Variants in CC2D2B observed in about 807,000 individuals in gnomAD.
CC2D2B encodes protein CC2D2B.
In CC2D2B, 128 loss-of-function variants were observed where a neutral mutation model predicts 161.2. That is an observed-to-expected ratio of 0.79 (90% confidence interval 0.69 to 0.92). CC2D2B has a LOEUF of 0.92. Among genes scored for constraint, CC2D2B ranks in the 40% least tolerant of loss-of-function variants. CC2D2B has a pLI of 0.00. For missense variants in CC2D2B, 1,173 were observed against 1,375.1 expected (o/e 0.85, Z 2.32); for synonymous variants, 391 against 449.8 (o/e 0.87, Z 1.65).
chr10:95,952,377 T>C (rs757769331), intron 10 of CC2D2B: 1 of 152,192 alleles, frequency 6.6e-6, no homozygotes, highest in Non-Finnish European at 1.5e-5. Flanking sequence ...AAAAGATTAA[T>C]TGTAGAAGTG....
At chr10:95,983,872 C>A (rs2077620229) in intron 19 of CC2D2B, 63 bp downstream of exon 19, 2 of 701,824 alleles carry the variant, frequency 2.8e-6, no homozygotes, top group Non-Finnish European at 4.0e-6. Flanking sequence ...GCTGCTTTAA[C>A]CCTATCTTAA....
chr10:96,001,688 C>T (rs2078505241), intron 24 of CC2D2B, among the ~76,000 whole-genome samples: 1 of 152,160 alleles, frequency 6.6e-6, no homozygotes, highest in South Asian at 2.1e-4. Context: ...AGGAAGCACA[C>T]CTTAGAATTT....
chr10:95,998,097 T>C (rs2078300981), intron 24 of CC2D2B, among the ~76,000 whole-genome samples: 1 of 152,198 alleles, frequency 6.6e-6, no homozygotes, highest in Admixed American at 6.5e-5. Flanking sequence ...TCAATTTTTT[T>C]TAAATTAAGA....
intron 25 of CC2D2B, among the ~76,000 whole-genome samples, chr10:96,005,105 A>T (rs1241060012): frequency 6.6e-6 from 1 of 152,230 alleles, no homozygotes; most frequent in Non-Finnish European, 1.5e-5. Flanking sequence ...TAATTTGGTG[A>T]TAGCTTTTCT....
rs558913990 is a variant in CC2D2B, at chr10:95,957,748, A to T, written c.1109+2257A>T. ...GCTAATTTTTGTATTTTTAGTAGAG[A>T]TGGGGGTTCACCATATTAGCCAGGC... On this transcript the variant is annotated intron_variant, in intron 11 of 34. Transcript: ENST00000646931. 5.2e-4 allele frequency among the ~76,000 whole-genome samples: 79 copies of T among 151,380 alleles called. 3 individuals are homozygous for T. In the South Asian group the frequency reaches 0.016, roughly 30 times the overall value.
At chr10:96,020,548 A>T (rs3961945) in intron 32 of CC2D2B, 100,770 of 152,014 alleles carry the variant, frequency 0.66, 33,647 homozygotes, top group East Asian at 0.86. Flanking sequence ...ATTGAGGGCC[A>T]AGCTGTGCAG....
intron 33 of CC2D2B, among the ~76,000 whole-genome samples, 188 bp from the exon 34 acceptor site, chr10:96,027,024 G>T (rs1465408344): frequency 6.6e-6 from 1 of 152,130 alleles, no homozygotes; most frequent in Non-Finnish European, 1.5e-5. Flanking sequence ...TCGGGAGGCT[G>T]AGGCAGGAGA....
At chr10:95,921,833 A>G (rs2098527977) in intron 2 of CC2D2B, among the ~76,000 whole-genome samples, 183 bp from the exon 3 acceptor site, 1 of 152,108 alleles carries the variant, frequency 6.6e-6, no homozygotes, top group South Asian at 2.1e-4. Flanking sequence ...GCATTAGGAG[A>G]TATACCTAAT....
intron 1 of CC2D2B, among the ~76,000 whole-genome samples, chr10:95,908,916 A>G (rs2098501118): frequency 6.6e-6 from 1 of 152,074 alleles, no homozygotes; most frequent in Non-Finnish European, 1.5e-5. Context: ...TTTTCAAAAT[A>G]TAATATGATA....
intron 33 of CC2D2B, among the ~76,000 whole-genome samples, chr10:96,025,146 T>TC: frequency 3.4e-5 from 1 of 29,748 alleles, no homozygotes; most frequent in South Asian, 1.2e-3. Context: ...TCATCTCTAC[T>TC]AAAAAAAAAT....
At chr10:95,926,011 T>C (rs1302934561) in intron 5 of CC2D2B, among the ~76,000 whole-genome samples, 1 of 147,494 alleles carries the variant, frequency 6.8e-6, no homozygotes, top group Non-Finnish European at 1.5e-5. Flanking sequence ...AAATGCAAGG[T>C]TTTTTTTTTT....
chr10:96,002,127 G>C (rs2078524596), intron 24 of CC2D2B, among the ~76,000 whole-genome samples: 1 of 152,112 alleles, frequency 6.6e-6, no homozygotes, highest in Admixed American at 6.5e-5. Flanking sequence ...CAGTCAATAA[G>C]ATACATAAAC....
intron 9 of CC2D2B, among the ~76,000 whole-genome samples, chr10:95,948,167 T>C (rs531950741): frequency 2.0e-5 from 3 of 151,432 alleles, no homozygotes; most frequent in Non-Finnish European, 2.9e-5. Flanking sequence ...TTAAAGTTCA[T>C]ATGGAACCAA....
rs1308362183 is a variant in CC2D2B at position 95,983,768 on chromosome 10, A to G, written c.2245A>G (p.Met749Val). 2.4e-6 allele frequency: 3 copies of G among 1,230,852 alleles called. No homozygotes were observed. Among genetic ancestry groups the G allele is most frequent in the Non-Finnish European group, 3.0e-6 (3 of 987,024 alleles). The allele number at this position is 1,230,852 out of a possible 1,614,324, so 76.2% of individuals were successfully genotyped here. A position where few individuals can be genotyped will look rare whatever the true frequency, so the allele number is the denominator to read the frequency against. ...ATTAGATAATTTCCTTCTACAGCAA[A>G]TGCCCCTCCATGATACAGAGATTCC... The part of the protein sequence containing the change: ...GQLDNFLLQQ[M>V]PLHDTEIPDL... The change falls in exon 19 of 35, where the codon ATG (methionine) becomes GTG (valine). Residue 749 changes from methionine to valine, a missense_variant. Physicochemically the swap from Met to Val is conservative, Grantham distance 21. Transcript: ENST00000646931.
At chr10:95,979,387 TG>T (rs990463907) in intron 17 of CC2D2B, among the ~76,000 whole-genome samples, 1 of 152,232 alleles carries the variant, frequency 6.6e-6, no homozygotes, top group Admixed American at 6.5e-5. Flanking sequence ...TTCCTCATTA[TG>T]GGGCAGTGTC....
In CC2D2B at chr10:96,025,174, TATATATATA is replaced by T. The variant is rs1313923533; in HGVS notation, c.3947+264_3947+272del. On this transcript the variant is annotated intron_variant, in intron 33 of 34. Transcript: ENST00000646931. ...AAAAAAATATATATATATATATATA[TATATATATA>T]TAAAAAAAAATATATATATATATAT... is the stretch of plus-strand genomic sequence containing the variant. Among the ~76,000 whole-genome samples the T allele has an allele frequency of 4.4e-3, 67 of 15,096 alleles. 3 individuals carry two copies. The highest frequency in any genetic ancestry group is 6.9e-3 in the Non-Finnish European group (59 of 8,566). The allele number at this position is 15,096 out of a possible 152,430, so 9.9% of individuals were successfully genotyped here. A position where few individuals can be genotyped will look rare whatever the true frequency, so the allele number is the denominator to read the frequency against.
At chr10:96,029,288 A>ATATATATATATATATATG (rs2079954063) in intron 34 of CC2D2B, among the ~76,000 whole-genome samples, 2 of 74,464 alleles carry the variant, frequency 2.7e-5, no homozygotes, top group East Asian at 1.2e-3. Context: ...ATATATATGT[A>ATATATATATATATATATG]TATATATATA....
chr10:96,004,323 T>A, intron 25 of CC2D2B, 75 bp downstream of exon 25: 1 of 779,478 alleles, frequency 1.3e-6, no homozygotes, highest in South Asian at 2.1e-5. Flanking sequence ...ACTAACATGT[T>A]TGTAAATATG....
chr10:95,989,150 G>A (rs1269158782), intron 20 of CC2D2B, among the ~76,000 whole-genome samples: 1 of 152,206 alleles, frequency 6.6e-6, no homozygotes, highest in African/African-American at 2.4e-5. Context: ...GATCCCTCAT[G>A]GGGACAGGTG....
Sources: gnomAD v4.1 joint callset for allele counts (sites outside exome capture counted in the v4.1 genomes callset) on GRCh38, gnomAD v4.1.1 for gene constraint, MANE v1.5 for transcripts, NCBI Gene and HGNC (gene_info 2026-07-23, HGNC 2026-07-21) for gene names.